The following BAALC variants were observed in gnomAD, a reference collection of about 807,000 sequenced individuals.
BAALC encodes the protein brain and acute leukemia cytoplasmic protein.
In BAALC, 9 loss-of-function variants were observed where a neutral mutation model predicts 15.5. The observed-to-expected ratio is 0.58, with a 90% CI of 0.35 to 1.02. BAALC has a LOEUF of 1.02. BAALC is among the 50% of genes least tolerant of loss of function. The pLI is 0.02. For synonymous variants in BAALC, 80 were observed against 74.6 expected (o/e 1.07, Z -0.37); for missense variants, 201 against 192.4 (o/e 1.04, Z -0.27).
chr8:103,192,716 G>T (rs1014776797), intron 1 of BAALC, among the ~76,000 whole-genome samples: 1 of 152,192 alleles, frequency 6.6e-6, no homozygotes, highest in African/African-American at 2.4e-5. Context: ...AGTCTCCCTT[G>T]GCTGGACTCC....
At chr8:103,174,514 C>T (rs915791504) in intron 1 of BAALC, among the ~76,000 whole-genome samples, 1 of 152,200 alleles carries the variant, frequency 6.6e-6, no homozygotes, top group Non-Finnish European at 1.5e-5. Flanking sequence ...CTGGGCTCAA[C>T]TTGTGAACTG....
At chr8:103,147,688 T>C (rs946920742) in intron 1 of BAALC, among the ~76,000 whole-genome samples, 5 of 152,190 alleles carry the variant, frequency 3.3e-5, no homozygotes, top group Non-Finnish European at 7.3e-5. Context: ...TCTAAACCTG[T>C]TCTCGGACAA....
chr8:103,187,360 C>T (rs1449057248), intron 1 of BAALC, among the ~76,000 whole-genome samples: 3 of 152,144 alleles, frequency 2.0e-5, no homozygotes, highest in Non-Finnish European at 4.4e-5. Flanking sequence ...GGCATCCAGT[C>T]GGGTAGAGAC....
intron 1 of BAALC, among the ~76,000 whole-genome samples, chr8:103,194,312 T>G (rs1367192609): frequency 6.6e-6 from 1 of 152,252 alleles, no homozygotes; most frequent in Non-Finnish European, 1.5e-5. Context: ...CAAGAATCTT[T>G]TGCCTTTAAG....
chr8:103,177,197 T>TG (rs1554611400), intron 1 of BAALC, among the ~76,000 whole-genome samples: 1 of 150,884 alleles, frequency 6.6e-6, no homozygotes, highest in African/African-American at 2.4e-5. Flanking sequence ...TGTTTTGTTT[T>TG]TTTTTTTTTG....
Position 103,141,003 on chromosome 8 carries a change from C to T in BAALC, c.106C>T (p.Pro36Ser), listed in dbSNP as rs1206045852. ...GCTCACCTACACCGACTCGGACGCG[C>T]CGCCCAGCGCCGCCGCCCCGGACAG... ...TWLTYTDSDA[P>S]PSAAAPDSGP... The change falls in exon 1 of 3, where the codon CCG becomes TCG. Residue 36 changes from proline to serine, a missense_variant. Coordinates refer to ENST00000309982, the MANE Select transcript of BAALC (RefSeq NM_024812.3). 1 of 1,524,514 alleles carries T rather than the reference C, an allele frequency of 6.6e-7. No homozygotes were observed. The highest frequency in any genetic ancestry group is 8.8e-7 in the Non-Finnish European group (1 of 1,136,536). The allele number at this position is 1,524,514 out of a possible 1,614,324, so 94.4% of individuals were successfully genotyped here. A position where few individuals can be genotyped will look rare whatever the true frequency, so the allele number is the denominator to read the frequency against.
chr8:103,227,142 C>T (rs148178101), intron 2 of BAALC, among the ~76,000 whole-genome samples: 69 of 152,198 alleles, frequency 4.5e-4, no homozygotes, highest in Non-Finnish European at 7.4e-4. Flanking sequence ...TATGTGCATG[C>T]GTTCTTGTGG....
chr8:103,183,522 C>T (rs62527650), intron 1 of BAALC: 16,796 of 693,876 alleles, frequency 0.024, 300 homozygotes, highest in African/African-American at 0.059. Flanking sequence ...TATGGGACAA[C>T]TCTGCAAAAC....
At chr8:103,199,493 T>C (rs925925444) in intron 1 of BAALC, among the ~76,000 whole-genome samples, 1 of 152,056 alleles carries the variant, frequency 6.6e-6, no homozygotes, top group Non-Finnish European at 1.5e-5. Context: ...AGCACAGTGC[T>C]AGGCACAGGG....
chr8:103,182,324 C>A (rs1357574354), intron 1 of BAALC, among the ~76,000 whole-genome samples: 1 of 152,324 alleles, frequency 6.6e-6, no homozygotes, highest in East Asian at 1.9e-4. Flanking sequence ...CTGCAAAGTG[C>A]TTGATTCAGC....
chr8:103,156,607 T>G (rs1014661273), intron 1 of BAALC, among the ~76,000 whole-genome samples: 1 of 152,222 alleles, frequency 6.6e-6, no homozygotes, highest in African/African-American at 2.4e-5. Context: ...CAGGGCTTCT[T>G]CTGAGACGGT....
rs146814579 is a variant in BAALC at position 103,216,464 on chromosome 8, TATTA to T, written c.327+3395_327+3398del. Among the ~76,000 whole-genome samples the T allele has an allele frequency of 5.7e-3, 864 of 152,246 alleles. 7 individuals are homozygous for T. The highest frequency in any genetic ancestry group is 0.02 in the African/African-American group (811 of 41,540). On this transcript the variant is annotated intron_variant, in intron 2 of 2. Coordinates refer to ENST00000309982, the MANE Select transcript of BAALC (RefSeq NM_024812.3). ...TGTCTTCCTTGTGGTAGCAACTACT[TATTA>T]ATTAATTAATTAATTTATGTATTTA...
At chr8:103,165,543 C>T (rs1811325473) in intron 1 of BAALC, 1 of 152,164 alleles carries the variant, frequency 6.6e-6, no homozygotes, top group Non-Finnish European at 1.5e-5. Context: ...AGTACAAACG[C>T]TGAGGTTTTT....
rs188281587 is a variant in BAALC at position 103,200,031 on chromosome 8, A to G, written c.161-12888A>G. 3.1e-3 allele frequency among the ~76,000 whole-genome samples: 471 copies of G among 152,284 alleles called. 2 individuals are homozygous for G. Among genetic ancestry groups the G allele is most frequent in the African/African-American group, 0.011 (447 of 41,552 alleles). On this transcript the variant is annotated intron_variant, in intron 1 of 2. Transcript: ENST00000309982. ...GCATAGTATTCTATGGTGTATATAT[A>G]CAACATTTTCTTTATCTAGTCTATC...
At chr8:103,210,551 AATAAT>A (rs1243634340) in intron 1 of BAALC, among the ~76,000 whole-genome samples, 1 of 152,274 alleles carries the variant, frequency 6.6e-6, no homozygotes, top group Non-Finnish European at 1.5e-5. Context: ...CCCCATGGCA[AATAAT>A]TTCTCAACAC....
At chr8:103,195,671 G>A (rs567257569) in intron 1 of BAALC, among the ~76,000 whole-genome samples, 230 of 152,296 alleles carry the variant, frequency 1.5e-3, no homozygotes, top group Non-Finnish European at 2.7e-3. Context: ...AGAAGAGCAA[G>A]CATGGTTCAT....
intron 1 of BAALC, chr8:103,191,403 G>C (rs1811964573): frequency 6.6e-6 from 1 of 152,068 alleles, no homozygotes; most frequent in African/African-American, 2.4e-5. Context: ...GTCTCTGCAT[G>C]ACCTTGAGTT....
chr8:103,206,392 G>A (rs905201728), intron 1 of BAALC, among the ~76,000 whole-genome samples: 1 of 152,068 alleles, frequency 6.6e-6, no homozygotes, highest in Non-Finnish European at 1.5e-5. Context: ...GGCTTTTCTT[G>A]CTGAGAGATT....
chr8:103,222,411 T>C (rs947634011), intron 2 of BAALC, among the ~76,000 whole-genome samples: 1 of 152,126 alleles, frequency 6.6e-6, no homozygotes, highest in Non-Finnish European at 1.5e-5. Flanking sequence ...TATGCCAGAG[T>C]CAGACTGGAA....
Sources: gnomAD v4.1 joint callset for allele counts (sites outside exome capture counted in the v4.1 genomes callset) on GRCh38, gnomAD v4.1.1 for gene constraint, MANE v1.5 for transcripts, NCBI Gene and HGNC (gene_info 2026-07-23, HGNC 2026-07-21) for gene names.